Variants in FAM184A observed in about 807,000 individuals in gnomAD.
FAM184A encodes the protein protein FAM184A.
Under a neutral mutation model 143.8 loss-of-function variants are expected in FAM184A, and 99 were observed. The observed-to-expected ratio is 0.69, with a 90% CI of 0.58 to 0.81. FAM184A has a LOEUF of 0.81. Among genes scored for constraint, FAM184A ranks in the 40% least tolerant of loss-of-function variants. The pLI is 0.00. For synonymous variants in FAM184A, 427 were observed against 446.4 expected (o/e 0.96, Z 0.55); for missense variants, 1,217 against 1,310.5 (o/e 0.93, Z 1.10).
At chr6:119,108,013 G>T (rs6569047) in intron 1 of FAM184A, among the ~76,000 whole-genome samples, 95,787 of 151,536 alleles carry the variant, frequency 0.63, 30,907 homozygotes, top group East Asian at 0.96. Context: ...TGTTCTATGC[G>T]TGACTAGGGT....
At chr6:119,055,127 A>G (rs1786912596) in intron 1 of FAM184A, among the ~76,000 whole-genome samples, 1 of 152,190 alleles carries the variant, frequency 6.6e-6, no homozygotes, top group Non-Finnish European at 1.5e-5. Flanking sequence ...TGGACACTTC[A>G]GAGAAATGAA....
At chr6:118,968,840 A>G (rs961474344) in intron 14 of FAM184A, among the ~76,000 whole-genome samples, 9 of 146,384 alleles carry the variant, frequency 6.1e-5, no homozygotes, top group African/African-American at 2.3e-4. Context: ...TTGCATAATA[A>G]AGGTCTATCC....
intron 1 of FAM184A, among the ~76,000 whole-genome samples, chr6:119,083,992 G>C (rs1266039890): frequency 6.6e-6 from 1 of 152,134 alleles, no homozygotes; most frequent in Non-Finnish European, 1.5e-5. Context: ...TTGACTCACA[G>C]TTCCACATTC....
At chr6:119,005,398 C>T (rs1300810472) in intron 7 of FAM184A, 1 of 151,984 alleles carries the variant, frequency 6.6e-6, no homozygotes, top group African/African-American at 2.4e-5. Flanking sequence ...TATGTATGCC[C>T]CACACACAAG....
intron 1 of FAM184A, among the ~76,000 whole-genome samples, chr6:119,103,702 C>T (rs1788702506): frequency 6.6e-6 from 1 of 152,054 alleles, no homozygotes. Context: ...CTGTGACAGG[C>T]GGATCACGAG....
At chr6:119,089,220 T>C (rs1019862464) in intron 1 of FAM184A, among the ~76,000 whole-genome samples, 3 of 151,470 alleles carry the variant, frequency 2.0e-5, no homozygotes, top group Non-Finnish European at 4.4e-5. Context: ...TTTTATTTTT[T>C]TGAGACAGAG....
chr6:119,014,288 G>T (rs984703822), intron 5 of FAM184A, among the ~76,000 whole-genome samples: 1 of 152,182 alleles, frequency 6.6e-6, no homozygotes, highest in South Asian at 2.1e-4. Flanking sequence ...CTTAATCCTC[G>T]AAGGAACATT....
At chr6:118,975,799 TAAATAG>T in intron 12 of FAM184A, 112 bp downstream of exon 12, 1 of 983,910 alleles carries the variant, frequency 1.0e-6, no homozygotes. Flanking sequence ...CTCTTCAATA[TAAATAG>T]AATGTGATAA....
rs599249 is a variant in FAM184A at position 119,124,321 on chromosome 6, T to A, written c.-202+24757A>T. Among the ~76,000 whole-genome samples the A allele has an allele frequency of 8.4e-3, 1,287 of 152,308 alleles. 21 individuals carry two copies. The highest frequency in any genetic ancestry group is 0.03 in the African/African-American group (1,241 of 41,580). On this transcript the variant is annotated intron_variant, in intron 1 of 16. Transcript: ENST00000352896. ...TGTAAATAGCTTTACAGTATCAACA[T>A]TCTTCTTGTAAGTTCAACAACTTTT...
chr6:119,072,667 G>A (rs2114791253), intron 1 of FAM184A, among the ~76,000 whole-genome samples: 1 of 152,206 alleles, frequency 6.6e-6, no homozygotes, highest in Admixed American at 6.5e-5. Flanking sequence ...TTTTATATTT[G>A]CTAAGAAACT....
At chr6:119,045,804 AAT>A (rs1292756663) in intron 1 of FAM184A, among the ~76,000 whole-genome samples, 6 of 151,854 alleles carry the variant, frequency 4.0e-5, no homozygotes, top group African/African-American at 1.5e-4. Context: ...AATTAAAAAA[AAT>A]TTATATTGCA....
At chr6:118,960,548 T>C (rs536087537) in intron 17 of FAM184A, among the ~76,000 whole-genome samples, 1 of 152,346 alleles carries the variant, frequency 6.6e-6, no homozygotes, top group South Asian at 2.1e-4. Flanking sequence ...TAGCTGATCG[T>C]ACAGATGTGT....
At chr6:119,140,237 A>G (rs1401003199) in intron 1 of FAM184A, among the ~76,000 whole-genome samples, 3 of 152,192 alleles carry the variant, frequency 2.0e-5, no homozygotes, top group African/African-American at 4.8e-5. Context: ...GGGAGAGGAC[A>G]TTGAGGATGT....
At chr6:119,012,452 G>A (rs1401230683) in intron 5 of FAM184A, among the ~76,000 whole-genome samples, 1 of 152,156 alleles carries the variant, frequency 6.6e-6, no homozygotes, top group African/African-American at 2.4e-5. Context: ...GTTTCCAAAA[G>A]CCCTCTCACA....
chr6:119,142,193 T>C (rs1486614694), intron 1 of FAM184A, among the ~76,000 whole-genome samples: 3 of 152,086 alleles, frequency 2.0e-5, no homozygotes, highest in Non-Finnish European at 4.4e-5. Flanking sequence ...CTGAAGACAA[T>C]ATATCAGCTA....
rs1051133167 is a variant in FAM184A at position 118,966,933 on chromosome 6, T to C, written c.2935A>G (p.Lys979Glu). 7 of 1,492,656 alleles carry C rather than the reference T, an allele frequency of 4.7e-6. No individual in the cohort carries two copies. In the South Asian group the frequency reaches 8.1e-5, roughly 17 times the overall value. 92.5% of individuals were successfully genotyped at this position (1,492,656 alleles called of 1,614,324 possible). A position where few individuals can be genotyped will look rare whatever the true frequency, so the allele number is the denominator to read the frequency against. ...LQVSLEEMEE[K>E]YLMRESKPED... ...GGTTTTGATTCTCTCATTAGATATTTTTCTTCCATTTCTTCTAATCTGAAA... is the reference window on the plus strand; with the variant it reads ...GGTTTTGATTCTCTCATTAGATATTCTTCTTCCATTTCTTCTAATCTGAAA... Residue 979 changes from lysine to glutamate, a missense_variant, in exon 15 of 18, where the codon AAA (lysine) becomes GAA (glutamate). Coordinates refer to ENST00000338891, the MANE Select transcript of FAM184A (RefSeq NM_024581.6).
At chr6:119,085,002 G>A (rs1049765563) in intron 1 of FAM184A, among the ~76,000 whole-genome samples, 1 of 152,172 alleles carries the variant, frequency 6.6e-6, no homozygotes, top group African/African-American at 2.4e-5. Context: ...TCCCTCCTGG[G>A]GCTCCAGGCC....
intron 1 of FAM184A, among the ~76,000 whole-genome samples, chr6:119,077,778 A>C (rs943279981): frequency 1.3e-5 from 2 of 152,222 alleles, no homozygotes; most frequent in African/African-American, 4.8e-5. Flanking sequence ...CTGTACTTCA[A>C]ATGGTACTGT....
At chr6:118,979,248 G>T in intron 11 of FAM184A, 117 bp downstream of exon 11, 1 of 923,886 alleles carries the variant, frequency 1.1e-6, no homozygotes, top group East Asian at 2.6e-5. Context: ...AGTACACTTA[G>T]ATATTCATTT....
Sources: gnomAD v4.1 joint callset for allele counts (sites outside exome capture counted in the v4.1 genomes callset) on GRCh38, gnomAD v4.1.1 for gene constraint, MANE v1.5 for transcripts, NCBI Gene and HGNC (gene_info 2026-07-23, HGNC 2026-07-21) for gene names.